PCDHGA5: variants seen among roughly 807,000 people sequenced by gnomAD.
The protein encoded by PCDHGA5 is protocadherin gamma subfamily A, 5, also known as protocadherin gamma-A5.
A neutral mutation model predicts 56.7 loss-of-function variants in PCDHGA5; 36 were observed. That is an observed-to-expected ratio of 0.64 (90% CI 0.49 to 0.84). The LOEUF (loss-of-function observed/expected upper bound fraction) is 0.84. Among genes scored for constraint, PCDHGA5 ranks in the 40% least tolerant of loss-of-function variants. PCDHGA5 has a pLI of 0.00. For missense variants in PCDHGA5, 1,305 were observed against 1,201.5 expected, an observed-to-expected ratio of 1.09 and a Z score of -1.27; for synonymous variants, 563 against 520.2, an observed-to-expected ratio of 1.08 and a Z score of -1.12.
At chr5:141,385,118 T>C in intron 1 of PCDHGA5, 1 of 1,614,216 alleles carries the variant, frequency 6.2e-7, no homozygotes. Context: ...ACCTCGCACT[T>C]TGTGGGCATG....
intron 1 of PCDHGA5, among the ~76,000 whole-genome samples, chr5:141,467,062 T>C (rs2099136058): frequency 6.6e-6 from 1 of 151,686 alleles, no homozygotes; most frequent in South Asian, 2.1e-4. Context: ...TTTCTTTTTT[T>C]TTTTTTTTTA....
At chr5:141,467,360 C>T (rs965838962) in intron 1 of PCDHGA5, among the ~76,000 whole-genome samples, 3 of 152,010 alleles carry the variant, frequency 2.0e-5, no homozygotes, top group Non-Finnish European at 4.4e-5. Context: ...GCCAAATCAA[C>T]GTTTTCTTAT....
intron 1 of PCDHGA5, among the ~76,000 whole-genome samples, chr5:141,449,586 C>T (rs2098645911): frequency 1.6e-5 from 2 of 125,482 alleles, no homozygotes; most frequent in East Asian, 2.3e-4. Context: ...AAGACTCTGT[C>T]TCAAAAAAAA....
intron 1 of PCDHGA5, among the ~76,000 whole-genome samples, chr5:141,437,514 C>G (rs2097891371): frequency 6.6e-6 from 1 of 152,114 alleles, no homozygotes; most frequent in South Asian, 2.1e-4. Flanking sequence ...AATTATAAGG[C>G]TGATGACAAA....
In PCDHGA5 at chr5:141,432,177, CTG is replaced by C. The variant is rs769631339; in HGVS notation, c.2422-62627_2422-62626del. 4 of 1,614,102 alleles carry C rather than the reference CTG, an allele frequency of 2.5e-6. No homozygotes were observed. Among genetic ancestry groups the C allele is most frequent in the Admixed American group, 1.7e-5 (1 of 60,012 alleles). ...AATCCCAGAGGAGTTTCCCTCGTCT[CTG>C]TGACCGCCCACGACCCCGACTGTGA... On this transcript the variant is annotated intron_variant, in intron 1 of 3. Transcript: ENST00000518069. The surrounding 1 kb of genome is among the most constrained non-coding windows in gnomAD (Gnocchi z 6.0).
At chr5:141,410,235 G>A (rs753193390) in intron 1 of PCDHGA5, 2 of 1,613,970 alleles carry the variant, frequency 1.2e-6, no homozygotes, top group South Asian at 1.1e-5. Context: ...CTCAGCGACC[G>A]CCCTGTACTC....
At chr5:141,506,164 G>A (rs959032250) in intron 3 of PCDHGA5, among the ~76,000 whole-genome samples, 17 of 152,140 alleles carry the variant, frequency 1.1e-4, no homozygotes, top group Non-Finnish European at 2.4e-4. Context: ...TAAGAGCACA[G>A]CCTAAGCTGG....
intron 1 of PCDHGA5, among the ~76,000 whole-genome samples, chr5:141,425,406 T>C (rs915792432): frequency 3.9e-5 from 6 of 152,222 alleles, no homozygotes; most frequent in Non-Finnish European, 7.3e-5. Flanking sequence ...TCTGTTAAGG[T>C]ATAACATATA....
intron 1 of PCDHGA5, among the ~76,000 whole-genome samples, chr5:141,401,205 G>C (rs1479820661): frequency 6.6e-6 from 1 of 152,118 alleles, no homozygotes; most frequent in African/African-American, 2.4e-5. Context: ...AGCTGGGTGT[G>C]GTGGCGGGCG....
In PCDHGA5 at chr5:141,423,758, G is replaced by T. The variant is rs1192987646; in HGVS notation, c.2421+57007G>T. Reference sequence around the variant, plus strand: ...CTGTTATGAAAACTGTTTGGGGGGGGGGTGGGGCGGCATATATTTAGTTCA... The same window carrying T: ...CTGTTATGAAAACTGTTTGGGGGGGTGGTGGGGCGGCATATATTTAGTTCA... On this transcript the variant is annotated intron_variant, in intron 1 of 3. Transcript: ENST00000518069. 1.4e-4 allele frequency: 53 copies of T among 366,832 alleles called. 6 individuals carry two copies. The highest frequency in any genetic ancestry group is 3.4e-4 in the South Asian group (4 of 11,762). 22.7% of individuals were successfully genotyped at this position (366,832 alleles called of 1,614,324 possible).
At chr5:141,397,887 G>C in intron 1 of PCDHGA5, 1 of 617,602 alleles carries the variant, frequency 1.6e-6, no homozygotes, top group South Asian at 2.4e-5. Flanking sequence ...GCCGCTGTTG[G>C]CCAAAGTGCA....
chr5:141,433,305 C>A, intron 1 of PCDHGA5: 1 of 931,030 alleles, frequency 1.1e-6, no homozygotes, highest in Non-Finnish European at 1.6e-6. Context: ...GCAATTATCC[C>A]ACCTTTGCCT....
rs971610218 is a variant in PCDHGA5, at chr5:141,400,979, C to T, written c.2421+34228C>T. Among the ~76,000 whole-genome samples, 10 of 152,258 alleles carry T rather than the reference C, an allele frequency of 6.6e-5. No individual in the cohort carries two copies. The East Asian group carries it at 9.6e-4, about 15-fold the overall frequency. ...GTAGTTTTCATCTCTTTCTTATGTT[C>T]CTCATATATGCTTTCTTATTCCTAC... On this transcript the variant is annotated intron_variant, in intron 1 of 3. Transcript: ENST00000518069.
At chr5:141,387,707 C>A (rs1441500005) in intron 1 of PCDHGA5, 1 of 994,952 alleles carries the variant, frequency 1.0e-6, no homozygotes, top group Non-Finnish European at 1.5e-6. Flanking sequence ...CAGGGCAGCC[C>A]CAGCTCAGAC....
intron 1 of PCDHGA5, chr5:141,408,154 A>T: frequency 6.6e-7 from 1 of 1,510,630 alleles, no homozygotes; most frequent in Non-Finnish European, 8.9e-7. Context: ...GGTAGAGTGC[A>T]CTTTCTCCAA....
intron 1 of PCDHGA5, among the ~76,000 whole-genome samples, chr5:141,382,076 G>T (rs185685959): frequency 6.6e-6 from 1 of 152,032 alleles, no homozygotes; most frequent in Non-Finnish European, 1.5e-5. Context: ...TGATCCGCCC[G>T]CCTCGGCCTC....
intron 1 of PCDHGA5, chr5:141,403,105 C>G (rs1226095779): frequency 6.2e-7 from 1 of 1,614,056 alleles, no homozygotes; most frequent in East Asian, 2.2e-5. Context: ...TCTCCAAGGA[C>G]CTGGCTCTGG....
chr5:141,432,050 C>T lies in PCDHGA5; in HGVS notation c.2422-62757C>T. The stretch of plus-strand genomic sequence containing the variant: ...GACCGCCACTGACCGGGGAACCCCG[C>T]CCCTATCCACGGAAACTCATATCTC... On this transcript the variant is annotated intron_variant, in intron 1 of 3. Transcript: ENST00000518069. The surrounding 1 kb of genome is among the most constrained non-coding windows in gnomAD (Gnocchi z 6.0). The T allele has an allele frequency of 6.2e-7, 1 of 1,614,218 alleles. No individual in the cohort carries two copies. The highest frequency in any genetic ancestry group is 8.5e-7 in the Non-Finnish European group (1 of 1,180,044).
Position 141,397,997 on chromosome 5 carries a change from C to T in PCDHGA5, c.2421+31246C>T, listed in dbSNP as rs2093595590. ...GCCGGCCTTTACACCGCTTCCTCCTCGGAAAAAGAATCGTTTCCTAAACTG... is the reference window on the plus strand; with the variant it reads ...GCCGGCCTTTACACCGCTTCCTCCTTGGAAAAAGAATCGTTTCCTAAACTG... On this transcript the variant is annotated intron_variant, in intron 1 of 3. Coordinates refer to ENST00000518069, the MANE Select transcript of PCDHGA5 (RefSeq NM_018918.3). The T allele has an allele frequency of 6.6e-6, 9 of 1,372,980 alleles. No individual in the cohort carries two copies. The Admixed American group carries it at 2.4e-4, about 37-fold the overall frequency. The allele number at this position is 1,372,980 out of a possible 1,614,324, so 85.0% of individuals were successfully genotyped here.
Sources: allele counts gnomAD v4.1 joint callset (sites outside exome capture counted in the v4.1 genomes callset), GRCh38; gene constraint gnomAD v4.1.1; non-coding constraint Gnocchi (gnomAD v3.1); transcripts MANE v1.5; gene names NCBI Gene and HGNC (gene_info 2026-07-23, HGNC 2026-07-21).